The following CFAP221 variants were observed in gnomAD, a reference collection of about 807,000 sequenced individuals.
The protein encoded by CFAP221 is cilia- and flagella-associated protein 221.
Under a neutral mutation model 113.1 loss-of-function variants are expected in CFAP221, and 97 were observed. That is an observed-to-expected ratio of 0.86 (90% CI 0.73 to 1.02). CFAP221 has a LOEUF of 1.02. Ranked by LOEUF, CFAP221 falls within the 50% of genes least tolerant of loss-of-function variation. The probability of loss-of-function intolerance (pLI) is 0.00; values close to 1 mark genes in which losing one functional copy is unlikely to be tolerated. For synonymous variants in CFAP221, 331 were observed against 354.4 expected (o/e 0.93, Z 0.74); for missense variants, 1,025 against 1,013.4 (o/e 1.01, Z -0.16).
intron 6 of CFAP221, chr2:119,586,877 C>CCCTCTGTTGTG (rs1683261753): frequency 5.4e-6 from 2 of 372,376 alleles, no homozygotes; most frequent in Non-Finnish European, 9.5e-6. Flanking sequence ...GGAACACTTA[C>CCCTCTGTTGTG]CCTCTCTTGT....
Position 119,638,437 on chromosome 2 carries a change from C to T in CFAP221, c.2133+20C>T. The T allele has an allele frequency of 3.1e-6, 5 of 1,613,818 alleles. No homozygotes were observed. Among genetic ancestry groups the T allele is most frequent in the Non-Finnish European group, 4.2e-6 (5 of 1,179,828 alleles). Reference sequence around the variant, plus strand: ...CACACGGTAATGTCATCACCAGGCTCACTGGCAGAGTGACCCTGGGCTGCA... The same window carrying T: ...CACACGGTAATGTCATCACCAGGCTTACTGGCAGAGTGACCCTGGGCTGCA... On this transcript the variant is annotated intron_variant, in intron 20 of 23. Transcript: ENST00000413369.
intron 7 of CFAP221, among the ~76,000 whole-genome samples, chr2:119,589,013 G>T (rs1451861167): frequency 3.3e-5 from 5 of 152,116 alleles, no homozygotes; most frequent in Non-Finnish European, 1.5e-5. Flanking sequence ...GAGAATGAAG[G>T]AGAGAGGGAA....
At position 119,613,904 on chromosome 2, in the gene CFAP221, C is replaced by A. The variant is rs150471342; in HGVS notation, c.1312-1707C>A. Reference sequence around the variant, plus strand: ...AACTTTTATGCTCTGCTTCCCTTTTCAGCATAAGTTCAATTCCAAACCATA... The same window carrying A: ...AACTTTTATGCTCTGCTTCCCTTTTAAGCATAAGTTCAATTCCAAACCATA... On this transcript the variant is annotated intron_variant, in intron 13 of 23. Transcript: ENST00000413369. 3.7e-3 allele frequency among the ~76,000 whole-genome samples: 565 copies of A among 152,342 alleles called. 7 individuals carry two copies. Among genetic ancestry groups the A allele is most frequent in the African/African-American group, 0.013 (531 of 41,580 alleles).
intron 6 of CFAP221, among the ~76,000 whole-genome samples, chr2:119,577,406 T>TA (rs1682524361): frequency 6.6e-6 from 1 of 152,140 alleles, no homozygotes; most frequent in Admixed American, 6.5e-5. Context: ...AAATGCCCTC[T>TA]AAAAAGCTTA....
chr2:119,590,228 G>GA (rs1311525294), intron 7 of CFAP221: 1 of 152,066 alleles, frequency 6.6e-6, no homozygotes, highest in African/African-American at 2.4e-5. Context: ...TTAATTATAA[G>GA]AAAAATATAA....
chr2:119,605,755 A>G (rs1020360985), intron 11 of CFAP221, among the ~76,000 whole-genome samples: 5 of 152,120 alleles, frequency 3.3e-5, no homozygotes, highest in Non-Finnish European at 7.3e-5. Context: ...CCCAAATTAG[A>G]AACTTTTTCA....
intron 6 of CFAP221, among the ~76,000 whole-genome samples, chr2:119,581,566 A>G (rs1682847210): frequency 6.6e-6 from 1 of 152,224 alleles, no homozygotes; most frequent in Non-Finnish European, 1.5e-5. Flanking sequence ...AAGGGAAATT[A>G]GGGGGTACGG....
At chr2:119,647,373 T>C (rs1687875314) in intron 22 of CFAP221, among the ~76,000 whole-genome samples, 1 of 152,182 alleles carries the variant, frequency 6.6e-6, no homozygotes. Flanking sequence ...TAGGTAGGAC[T>C]TGGATGGGCA....
intron 12 of CFAP221, 109 bp from the exon 13 acceptor site, chr2:119,611,544 G>T: frequency 2.4e-6 from 2 of 844,996 alleles, no homozygotes; most frequent in East Asian, 2.7e-5. Flanking sequence ...CAATGGGAAC[G>T]TCGTGGGTGG....
intron 6 of CFAP221, among the ~76,000 whole-genome samples, chr2:119,563,910 G>A (rs1445191615): frequency 6.6e-6 from 1 of 152,208 alleles, no homozygotes; most frequent in Admixed American, 6.5e-5. Flanking sequence ...GCAAAGGCGT[G>A]ATGGCAGCAG....
chr2:119,642,353 A>C (rs1322968050), intron 21 of CFAP221, among the ~76,000 whole-genome samples: 2 of 152,108 alleles, frequency 1.3e-5, no homozygotes, highest in East Asian at 3.9e-4. Flanking sequence ...AGCTATAATA[A>C]AATACCATAG....
chr2:119,656,687 T>C (rs1297629377), downstream of CFAP221: 4 of 370,910 alleles, frequency 1.1e-5, no homozygotes, highest in Non-Finnish European at 4.9e-6. Flanking sequence ...CTTGGTGCGG[T>C]GTTTAGTGCC....
In CFAP221 at chr2:119,611,671, A is replaced by G. The variant is rs925941493; in HGVS notation, c.1240A>G (p.Ile414Val). ...AKYKLDRGDP[I>V]LDEEFQRLKT... ...AACCCAGCTAGACAGAGGAGATCCT[A>G]TTTTGGATGAGGAATTTCAGCGACT... is the stretch of plus-strand genomic sequence containing the variant. The change falls in exon 13 of 24, where the codon ATT becomes GTT. Residue 414 changes from isoleucine to valine, a missense_variant. Coordinates refer to ENST00000413369, the MANE Select transcript of CFAP221 (RefSeq NM_001271049.2). 9.3e-6 allele frequency: 15 copies of G among 1,613,576 alleles called. No individual in the cohort carries two copies. The highest frequency in any genetic ancestry group is 1.3e-5 in the Non-Finnish European group (15 of 1,179,922).
At chr2:119,633,715 A>T (rs1019680359) in intron 19 of CFAP221, among the ~76,000 whole-genome samples, 1 of 38,608 alleles carries the variant, frequency 2.6e-5, no homozygotes, top group Non-Finnish European at 5.4e-5. Flanking sequence ...AATGGCCAAC[A>T]GCTATATGAA....
chr2:119,604,686 A>G lies in CFAP221; in HGVS notation c.806A>G (p.Glu269Gly). The G allele has an allele frequency of 6.4e-7, 1 of 1,558,752 alleles. No homozygotes were observed. Among genetic ancestry groups the G allele is most frequent in the Non-Finnish European group, 8.6e-7 (1 of 1,159,756 alleles). The change falls in exon 9 of 24, where the codon GAA (glutamate) becomes GGA (glycine). Residue 269 changes from glutamate (E) to glycine (G), a missense_variant. By Grantham distance (98) the Glu-to-Gly change is moderately conservative (BLOSUM62 -2). Transcript: ENST00000413369. The stretch of plus-strand genomic sequence containing the variant: ...TTAACCTATAGATTAGAAGAGTTTG[A>G]AAGGTTGAATACCCTTTCTAAGAAA... The part of the protein sequence containing the change: ...PNMALPLEEF[E>G]RLNTLSKKVN...
chr2:119,646,045 A>G (rs984250070), intron 21 of CFAP221, among the ~76,000 whole-genome samples: 9 of 152,188 alleles, frequency 5.9e-5, no homozygotes, highest in African/African-American at 1.2e-4. Flanking sequence ...AAAAATAACA[A>G]TGTATTTTCC....
At chr2:119,609,735 A>C (rs907398426) in intron 12 of CFAP221, among the ~76,000 whole-genome samples, 16 of 152,194 alleles carry the variant, frequency 1.1e-4, no homozygotes, top group Non-Finnish European at 2.4e-4. Flanking sequence ...CCCATAACAC[A>C]GATTTTTGAG....
Position 119,638,378 on chromosome 2 carries a change from C to A in CFAP221, c.2094C>A (p.Ser698=), listed in dbSNP as rs750859885. ...TCACCAAAGAGTCCCGCCACGGGTCCAGCATTCCTGTCACCCAAAAGCAGT... is the reference window on the plus strand; with the variant it reads ...TCACCAAAGAGTCCCGCCACGGGTCAAGCATTCCTGTCACCCAAAAGCAGT... The part of the protein sequence containing the change: ...YKFTKESRHG[S]SIPVTQKQFL... Residue 698 remains serine, a synonymous_variant, in exon 20 of 24, where the codon TCC becomes TCA. Coordinates refer to ENST00000413369, the MANE Select transcript of CFAP221 (RefSeq NM_001271049.2). 2.3e-5 allele frequency: 37 copies of A among 1,614,022 alleles called. No individual in the cohort carries two copies. The South Asian group carries it at 3.8e-4, about 17-fold the overall frequency.
At chr2:119,594,741 C>T (rs72965009) in intron 7 of CFAP221, among the ~76,000 whole-genome samples, 1 of 152,184 alleles carries the variant, frequency 6.6e-6, no homozygotes, top group East Asian at 1.9e-4. Context: ...ATGCTTACAT[C>T]GTGCTTACCA....
Sources: gnomAD v4.1 joint callset for allele counts (sites outside exome capture counted in the v4.1 genomes callset) on GRCh38, gnomAD v4.1.1 for gene constraint, MANE v1.5 for transcripts, NCBI Gene and HGNC (gene_info 2026-07-23, HGNC 2026-07-21) for gene names.